The following ARHGEF10 variants were observed in gnomAD, a reference collection of about 807,000 sequenced individuals.
The protein encoded by ARHGEF10 is Rho guanine nucleotide exchange factor 10.
A neutral mutation model predicts 147.4 loss-of-function variants in ARHGEF10; 140 were observed. The observed-to-expected ratio is 0.95, with a 90% CI of 0.83 to 1.09. ARHGEF10 has a LOEUF of 1.09. Among genes scored for constraint, ARHGEF10 ranks in the 50% least tolerant of loss-of-function variants. ARHGEF10 has a pLI of 0.00. For synonymous variants in ARHGEF10, 902 were observed against 695.8 expected (o/e 1.30, Z -4.67); for missense variants, 2,222 against 1,752.7 (o/e 1.27, Z -4.78).
At chr8:1,913,091 C>T (rs1388923423) in intron 18 of ARHGEF10, among the ~76,000 whole-genome samples, 3 of 152,010 alleles carry the variant, frequency 2.0e-5, no homozygotes, top group Non-Finnish European at 4.4e-5. Flanking sequence ...GATGGACTGT[C>T]AAGCGCTCCT....
chr8:1,837,196 G>C (rs534011376), intron 1 of ARHGEF10, among the ~76,000 whole-genome samples: 1 of 152,256 alleles, frequency 6.6e-6, no homozygotes, highest in Non-Finnish European at 1.5e-5. Context: ...GGCAAGGCCT[G>C]GGCCAGAATC....
chr8:1,905,726 T>G lies in ARHGEF10; in HGVS notation c.1967+10T>G. On this transcript the variant is annotated intron_variant, in intron 17 of 28. Transcript: ENST00000349830. ...CCACCGTCAGCTCACGGTAAGTGCA[T>G]AAATTCTCTATAGTAGTCCTACCAT... is the stretch of plus-strand genomic sequence containing the variant. The G allele has an allele frequency of 6.2e-7, 1 of 1,613,030 alleles. No homozygotes were observed. Among genetic ancestry groups the G allele is most frequent in the Non-Finnish European group, 8.5e-7 (1 of 1,180,018 alleles).
At chr8:1,861,847 G>A (rs1806161148) in intron 4 of ARHGEF10, among the ~76,000 whole-genome samples, 1 of 152,032 alleles carries the variant, frequency 6.6e-6, no homozygotes, top group South Asian at 2.1e-4. Flanking sequence ...AGGATTCTTG[G>A]CTGAAGGAAA....
Position 1,956,993 on chromosome 8 carries a change from C to G in ARHGEF10, c.3765C>G (p.Asp1255Glu). Residue 1255 changes from aspartate (D) to glutamate (E), a missense_variant, in exon 29 of 29, where the codon GAC becomes GAG. Coordinates refer to ENST00000349830, the MANE Select transcript of ARHGEF10 (RefSeq NM_014629.4). ...TGGGATCGATGACTCAGAAAAGCGACCTGTCCTCCTCATCTGGGTCCCTGA... is the reference window on the plus strand; with the variant it reads ...TGGGATCGATGACTCAGAAAAGCGAGCTGTCCTCCTCATCTGGGTCCCTGA... Reference protein sequence around the residue: ...DSLGSMTQKSDLSSSSGSLSL... With the variant: ...DSLGSMTQKSELSSSSGSLSL... The G allele has an allele frequency of 3.7e-6, 6 of 1,614,140 alleles. No individual in the cohort carries two copies. Among genetic ancestry groups the G allele is most frequent in the Non-Finnish European group, 5.1e-6 (6 of 1,180,030 alleles).
At position 1,933,607 on chromosome 8, in the gene ARHGEF10, C is replaced by T. The variant is rs376147220; in HGVS notation, c.3080-193C>T. Among the ~76,000 whole-genome samples, 182 of 152,116 alleles carry T rather than the reference C, an allele frequency of 1.2e-3. 2 individuals are homozygous for T. Among genetic ancestry groups the T allele is most frequent in the African/African-American group, 4.0e-3 (166 of 41,502 alleles). On this transcript the variant is annotated intron_variant, in intron 25 of 28. Coordinates refer to ENST00000349830, the MANE Select transcript of ARHGEF10 (RefSeq NM_014629.4). The stretch of plus-strand genomic sequence containing the variant: ...GTGTCCCACAGCTGTCTGTGCTTCC[C>T]GACTGTGCACCATGGCCCAACTGGG...
At position 1,933,844 on chromosome 8, in the gene ARHGEF10, G is replaced by T; in HGVS notation, c.3124G>T (p.Val1042Phe). 1 of 1,614,148 alleles carries T rather than the reference G, an allele frequency of 6.2e-7. No individual in the cohort carries two copies. Among genetic ancestry groups the T allele is most frequent in the Non-Finnish European group, 8.5e-7 (1 of 1,180,024 alleles). ...ACCTCAAAAAGTGATCAAGTTAGGCGTCCTACCAGTTAGAAGTCTACTCAT... is the reference window on the plus strand; with the variant it reads ...ACCTCAAAAAGTGATCAAGTTAGGCTTCCTACCAGTTAGAAGTCTACTCAT... Reference protein sequence around the residue: ...SEPQKVIKLGVLPVRSLLMME... With the variant: ...SEPQKVIKLGFLPVRSLLMME... The change falls in exon 26 of 29, where the codon GTC becomes TTC. Residue 1042 changes from valine (V) to phenylalanine (F), a missense_variant. Transcript: ENST00000349830.
rs1461519301 is a variant in ARHGEF10, at chr8:1,933,807, C to T, written c.3087C>T (p.Ser1029=). ...VASYARAPDG[S]WDSEPQKVIK... is the part of the protein sequence containing the mutation. ...GAAATATTTTCTTTTAAGATGGATC[C>T]TGGGATTCAGAACCTCAAAAAGTGA... The change falls in exon 26 of 29, where the codon TCC becomes TCT. Residue 1029 remains serine (S), a synonymous_variant. Transcript: ENST00000349830. 2 of 1,614,126 alleles carry T rather than the reference C, an allele frequency of 1.2e-6. No individual in the cohort carries two copies. The highest frequency in any genetic ancestry group is 2.2e-5 in the South Asian group (2 of 91,078).
intron 10 of ARHGEF10, among the ~76,000 whole-genome samples, chr8:1,884,820 A>G (rs1808516020): frequency 6.6e-6 from 1 of 152,226 alleles, no homozygotes; most frequent in African/African-American, 2.4e-5. Flanking sequence ...GCTGGAGTGC[A>G]GTGGCACGAC....
chr8:1,879,418 C>T (rs1807985175), intron 8 of ARHGEF10, among the ~76,000 whole-genome samples: 1 of 152,090 alleles, frequency 6.6e-6, no homozygotes, highest in South Asian at 2.1e-4. Flanking sequence ...TTTATTCCAC[C>T]AAAATGTAAA....
At chr8:1,834,464 GC>G (rs946137435) in intron 1 of ARHGEF10, among the ~76,000 whole-genome samples, 5 of 152,124 alleles carry the variant, frequency 3.3e-5, no homozygotes, top group Admixed American at 3.3e-4. Context: ...GGTGCCATGC[GC>G]CCTGAGACTC....
chr8:1,834,248 T>C (rs1803444728), intron 1 of ARHGEF10, among the ~76,000 whole-genome samples: 1 of 152,246 alleles, frequency 6.6e-6, no homozygotes, highest in Admixed American at 6.5e-5. Context: ...CCCGGTTAGC[T>C]CGTGACTGAC....
At chr8:1,843,083 T>A (rs10103393) in intron 1 of ARHGEF10, among the ~76,000 whole-genome samples, 130 of 152,202 alleles carry the variant, frequency 8.5e-4, no homozygotes, top group African/African-American at 3.0e-3. Context: ...AGGGCCTGGC[T>A]GGCGAATCCA....
At chr8:1,934,062 C>A in intron 26 of ARHGEF10, 120 bp downstream of exon 26, 1 of 1,356,326 alleles carries the variant, frequency 7.4e-7, no homozygotes, top group Non-Finnish European at 1.0e-6. Context: ...TAGCCGGGCA[C>A]AGTGGCTCAT....
intron 18 of ARHGEF10, 71 bp from the exon 19 acceptor site, chr8:1,922,893 T>C (rs1812404281): frequency 9.2e-7 from 1 of 1,083,182 alleles, no homozygotes; most frequent in Admixed American, 1.8e-5. Flanking sequence ...GAGTCTTTTC[T>C]TCCCTCAAGT....
At position 1,824,104 on chromosome 8, in the gene ARHGEF10, G is replaced by T. The variant is rs1802588382; in HGVS notation, c.-57G>T. ...AGCAGGGGACTGCGGGTCGCGTCCT[G>T]GCCGCCGAGGTGAGTGCGGGCCCCG... On this transcript the variant is annotated 5_prime_UTR_variant, in exon 1 of 29. Transcript: ENST00000349830. 6.6e-6 allele frequency: 1 copy of T among 152,118 alleles called. No individual in the cohort carries two copies. The highest frequency in any genetic ancestry group is 2.4e-5 in the African/African-American group (1 of 41,382). 9.4% of individuals were successfully genotyped at this position (152,118 alleles called of 1,614,324 possible). A position where few individuals can be genotyped will look rare whatever the true frequency, so the allele number is the denominator to read the frequency against.
At chr8:1,884,532 C>A (rs867463540) in intron 10 of ARHGEF10, among the ~76,000 whole-genome samples, 1 of 152,170 alleles carries the variant, frequency 6.6e-6, no homozygotes, top group Non-Finnish European at 1.5e-5. Context: ...TTAAAACAGG[C>A]TGGTGCCAGG....
chr8:1,881,572 G>GGA (rs575028804), intron 9 of ARHGEF10, among the ~76,000 whole-genome samples: 1 of 152,170 alleles, frequency 6.6e-6, no homozygotes, highest in Non-Finnish European at 1.5e-5. Flanking sequence ...AGCCCCCGGG[G>GGA]GATGGGGGAC....
intron 17 of ARHGEF10, among the ~76,000 whole-genome samples, chr8:1,907,946 GA>G (rs1232042564): frequency 6.6e-6 from 1 of 152,204 alleles, no homozygotes; most frequent in Admixed American, 6.5e-5. Flanking sequence ...TACATTCAAA[GA>G]GGAGGAATCG....
chr8:1,874,798 T>TTC (rs1304486404), intron 7 of ARHGEF10, among the ~76,000 whole-genome samples: 1 of 143,746 alleles, frequency 7.0e-6, no homozygotes, highest in Admixed American at 6.9e-5. Context: ...GGGGTAGAGG[T>TTC]TCTAAGACAG....
Sources: allele counts gnomAD v4.1 joint callset (sites outside exome capture counted in the v4.1 genomes callset), GRCh38; gene constraint gnomAD v4.1.1; transcripts MANE v1.5; gene names NCBI Gene and HGNC (gene_info 2026-07-23, HGNC 2026-07-21).